The following NWD1 variants were observed in gnomAD, a reference collection of about 807,000 sequenced individuals.
The protein encoded by NWD1 is NACHT domain- and WD repeat-containing protein 1.
A neutral mutation model predicts 135.1 loss-of-function variants in NWD1; 129 were observed. That is an observed-to-expected ratio of 0.96 (90% confidence interval 0.83 to 1.11). The LOEUF is 1.11. Ranked by LOEUF, NWD1 falls within the 50% of genes least tolerant of loss-of-function variation. The probability of loss-of-function intolerance (pLI) is 0.00; values close to 1 mark genes in which losing one functional copy is unlikely to be tolerated. For synonymous variants in NWD1, 773 were observed against 786.0 expected, an observed-to-expected ratio of 0.98 and a Z score of 0.28; for missense variants, 1,740 against 1,851.3, an observed-to-expected ratio of 0.94 and a Z score of 1.10.
chr19:16,787,309 A>T (rs1307262830), intron 12 of NWD1, among the ~76,000 whole-genome samples: 1 of 152,080 alleles, frequency 6.6e-6, no homozygotes, highest in Non-Finnish European at 1.5e-5. Context: ...TTTTTGCAAG[A>T]TTATAAAAAT....
intron 11 of NWD1, among the ~76,000 whole-genome samples, chr19:16,778,982 C>T (rs556918817): frequency 6.6e-6 from 1 of 152,170 alleles, no homozygotes; most frequent in Non-Finnish European, 1.5e-5. Flanking sequence ...GGCCTGCACC[C>T]ACCAGATGGC....
chr19:16,745,017 C>T, intron 5 of NWD1: 1 of 570,630 alleles, frequency 1.8e-6, no homozygotes, highest in East Asian at 4.0e-5. Context: ...CTAATAAAGG[C>T]ATACTTGAGG....
chr19:16,798,401 G>A (rs1484527164), intron 16 of NWD1, among the ~76,000 whole-genome samples: 2 of 152,124 alleles, frequency 1.3e-5, no homozygotes, highest in Non-Finnish European at 2.9e-5. Context: ...CTTGGGCCCA[G>A]GAGTTCGAGA....
At chr19:16,782,284 T>TAAAA (rs35838598) in intron 12 of NWD1, among the ~76,000 whole-genome samples, 6 of 76,260 alleles carry the variant, frequency 7.9e-5, no homozygotes, top group African/African-American at 2.3e-4. Flanking sequence ...ACGTCACCTC[T>TAAAA]AAAAAAAAAA....
intron 5 of NWD1, among the ~76,000 whole-genome samples, chr19:16,746,727 T>C (rs576286589): frequency 6.6e-6 from 1 of 151,696 alleles, no homozygotes; most frequent in African/African-American, 2.4e-5. Flanking sequence ...ATATTTTGCA[T>C]GTTCTATCTA....
At chr19:16,786,118 G>T (rs903343592) in intron 12 of NWD1, among the ~76,000 whole-genome samples, 1 of 151,974 alleles carries the variant, frequency 6.6e-6, no homozygotes, top group Non-Finnish European at 1.5e-5. Flanking sequence ...ACCCACCTTG[G>T]CCTTCCAAAG....
chr19:16,735,710 G>C (rs867613944), intron 3 of NWD1, among the ~76,000 whole-genome samples: 3 of 151,122 alleles, frequency 2.0e-5, no homozygotes, highest in Non-Finnish European at 4.4e-5. Flanking sequence ...TGCGCCTGTA[G>C]TTCCAGCTAC....
chr19:16,753,690 C>A (rs1026488330), intron 6 of NWD1, among the ~76,000 whole-genome samples: 21 of 152,144 alleles, frequency 1.4e-4, no homozygotes, highest in Non-Finnish European at 2.9e-4. Context: ...CCCTACAGTG[C>A]AAAGGATTGT....
chr19:16,726,002 G>T (rs1967314741), intron 2 of NWD1, among the ~76,000 whole-genome samples: 2 of 143,318 alleles, frequency 1.4e-5, no homozygotes, highest in African/African-American at 2.6e-5. Flanking sequence ...CATTCTTGTT[G>T]CCCAGGCTGG....
chr19:16,744,079 T>A (rs1278822155), intron 4 of NWD1, among the ~76,000 whole-genome samples: 1 of 152,080 alleles, frequency 6.6e-6, no homozygotes, highest in Non-Finnish European at 1.5e-5. Context: ...TACTTATATA[T>A]TGAATTGGAG....
At chr19:16,739,329 CAAAAAAAAA>C (rs67106916) in intron 4 of NWD1, among the ~76,000 whole-genome samples, 33 of 78,966 alleles carry the variant, frequency 4.2e-4, no homozygotes, top group Non-Finnish European at 5.5e-4. Flanking sequence ...CTATCTCTAC[CAAAAAAAAA>C]AAAAAAAAAA....
chr19:16,725,744 G>T (rs1251756597), intron 2 of NWD1, among the ~76,000 whole-genome samples: 1 of 151,108 alleles, frequency 6.6e-6, no homozygotes, highest in Non-Finnish European at 1.5e-5. Context: ...GTAGAGATGG[G>T]GTTTCACCAT....
rs143070169 is a variant in NWD1, at chr19:16,790,472, G to C, written c.2941-878G>C. Among the ~76,000 whole-genome samples the C allele has an allele frequency of 1.9e-3, 282 of 151,874 alleles. 2 individuals are homozygous for C. The highest frequency in any genetic ancestry group is 6.4e-3 in the African/African-American group (265 of 41,438). ...TAAACACTTGAAATTCGGGGGGTAGGGGGTAAGGGGAGGGAGAGCATTAGG... is the reference window on the plus strand; with the variant it reads ...TAAACACTTGAAATTCGGGGGGTAGCGGGTAAGGGGAGGGAGAGCATTAGG... On this transcript the variant is annotated intron_variant, in intron 13 of 18. Transcript: ENST00000524140.
intron 4 of NWD1, among the ~76,000 whole-genome samples, chr19:16,741,615 T>A (rs1156253990): frequency 6.6e-6 from 1 of 151,856 alleles, no homozygotes; most frequent in Non-Finnish European, 1.5e-5. Context: ...GTGATCCACC[T>A]GCCTCGGCCT....
In NWD1 at chr19:16,750,097, C is replaced by T. The variant is rs1466020872; in HGVS notation, c.1455C>T (p.Asp485=). Residue 485 remains aspartate (D), a synonymous_variant, in exon 6 of 19, where the codon GAC becomes GAT. Transcript: ENST00000524140. The part of the protein sequence containing the change: ...VLDTLQRVLL[D]PEAYWEVKPL... ...ACACCTTGCAGCGGGTGCTCCTGGA[C>T]CCGGAGGCCTACTGGGAGGTGAAGC... 1 of 1,614,042 alleles carries T rather than the reference C, an allele frequency of 6.2e-7. No individual in the cohort carries two copies. Among genetic ancestry groups the T allele is most frequent in the East Asian group, 2.2e-5 (1 of 44,874 alleles).
At chr19:16,798,255 C>A (rs976963324) in intron 16 of NWD1, among the ~76,000 whole-genome samples, 11 of 152,030 alleles carry the variant, frequency 7.2e-5, no homozygotes, top group Admixed American at 5.2e-4. Flanking sequence ...AGTCTCAGGC[C>A]TCTTGAAGTT....
chr19:16,764,303 T>C (rs1969132028), intron 9 of NWD1, among the ~76,000 whole-genome samples: 1 of 152,142 alleles, frequency 6.6e-6, no homozygotes, highest in Admixed American at 6.6e-5. Context: ...TGTCTGTCTG[T>C]CTATTTGTCA....
intron 11 of NWD1, among the ~76,000 whole-genome samples, chr19:16,774,310 A>G (rs754287266): frequency 4.8e-5 from 7 of 146,598 alleles, no homozygotes; most frequent in Non-Finnish European, 1.0e-4. Flanking sequence ...CAATTCATCT[A>G]TCAAACCACT....
chr19:16,722,671 C>A (rs1250617672), intron 1 of NWD1, among the ~76,000 whole-genome samples: 3 of 151,910 alleles, frequency 2.0e-5, no homozygotes, highest in Non-Finnish European at 2.9e-5. Context: ...TCTTGACCTG[C>A]TCCTGGGAAG....
Sources: gnomAD v4.1 joint callset for allele counts (sites outside exome capture counted in the v4.1 genomes callset) on GRCh38, gnomAD v4.1.1 for gene constraint, MANE v1.5 for transcripts, NCBI Gene and HGNC (gene_info 2026-07-23, HGNC 2026-07-21) for gene names.